GAN: variants seen among roughly 807,000 people sequenced by gnomAD.
GAN encodes epididymis secretory sperm binding protein.
Under a neutral mutation model 71.3 loss-of-function variants are expected in GAN, and 48 were observed. The observed-to-expected ratio is 0.67, with a 90% confidence interval of 0.53 to 0.86. GAN has a LOEUF of 0.86. Ranked by LOEUF, GAN falls within the 40% of genes least tolerant of loss-of-function variation. GAN has a pLI of 0.00. For missense variants in GAN, 928 were observed against 770.1 expected (o/e 1.21, Z -2.43); for synonymous variants, 386 against 276.8 (o/e 1.39, Z -3.92).
At chr16:81,367,544 A>T (rs1910900972) in intron 9 of GAN, among the ~76,000 whole-genome samples, 1 of 152,184 alleles carries the variant, frequency 6.6e-6, no homozygotes, top group Non-Finnish European at 1.5e-5. Context: ...AAATAAGAGC[A>T]CTTCCAAATA....
At chr16:81,319,035 G>A (rs1319193136) in intron 1 of GAN, among the ~76,000 whole-genome samples, 1 of 151,984 alleles carries the variant, frequency 6.6e-6, no homozygotes, top group East Asian at 1.9e-4. Flanking sequence ...TAGTTGACAG[G>A]CTGGGCGCAG....
Position 81,377,259 on chromosome 16 carries a change from A to C in GAN, c.1543A>C (p.Ser515Arg). 1 of 1,612,118 alleles carries C rather than the reference A, an allele frequency of 6.2e-7. No individual in the cohort carries two copies. The highest frequency in any genetic ancestry group is 8.5e-7 in the Non-Finnish European group (1 of 1,178,192). ...LNDQNLCIPA[S>R]SSFVYGAVPI... ...CGACCAGAATTTATGCATCCCCGCC[A>C]GTTCCTCTTTTGTTTATGGAGCTGT... Residue 515 changes from serine to arginine, a missense_variant, in exon 10 of 11, where the codon AGT becomes CGT. Ser to Arg is a moderately radical substitution (Grantham distance 110, BLOSUM62 -1). Coordinates refer to ENST00000648994, the MANE Select transcript of GAN (RefSeq NM_022041.4).
chr16:81,363,168 C>T (rs940744851), intron 6 of GAN, among the ~76,000 whole-genome samples: 5 of 152,242 alleles, frequency 3.3e-5, no homozygotes, highest in Admixed American at 1.3e-4. Flanking sequence ...TCCTCCACAG[C>T]CCTTTCTGCC....
intron 6 of GAN, 120 bp downstream of exon 6, chr16:81,362,731 G>T: frequency 1.4e-6 from 1 of 718,588 alleles, no homozygotes; most frequent in Non-Finnish European, 2.6e-6. Context: ...TGCCTCATTC[G>T]CTCCAACCTC....
chr16:81,317,307 C>T (rs1206975764), intron 1 of GAN, among the ~76,000 whole-genome samples: 1 of 152,236 alleles, frequency 6.6e-6, no homozygotes. Context: ...AGTACACAGA[C>T]GCTCAGTTAT....
At position 81,384,856 on chromosome 16, in the gene GAN, G is replaced by C. The variant is rs141641587; in HGVS notation, c.*7260G>C. 1.3e-4 allele frequency: 20 copies of C among 153,116 alleles called. No individual in the cohort carries two copies. The highest frequency in any genetic ancestry group is 4.8e-4 in the African/African-American group (20 of 41,596). The allele number at this position is 153,116 out of a possible 1,614,324, so 9.5% of individuals were successfully genotyped here. ...GTCTGTCAGCTTGCCTGGTCACCAA[G>C]TCAGGAGGAAGAAGATGAGGAGGCT... is the stretch of plus-strand genomic sequence containing the variant. On this transcript the variant is annotated 3_prime_UTR_variant, in exon 11 of 11. Transcript: ENST00000648994.
At chr16:81,321,996 G>A (rs185552346) in intron 1 of GAN, among the ~76,000 whole-genome samples, 13 of 152,280 alleles carry the variant, frequency 8.5e-5, no homozygotes, top group South Asian at 6.2e-4. Flanking sequence ...TAGATGGCCC[G>A]ACACTCTACC....
intron 7 of GAN, 40 bp downstream of exon 7, chr16:81,363,983 T>C (rs763189248): frequency 1.5e-5 from 23 of 1,516,754 alleles, no homozygotes; most frequent in Admixed American, 6.7e-5. Context: ...TGTGTACACA[T>C]TGGATTTTAA....
chr16:81,331,601 G>A (rs1909579901), intron 1 of GAN, among the ~76,000 whole-genome samples: 1 of 152,154 alleles, frequency 6.6e-6, no homozygotes, highest in Admixed American at 6.5e-5. Context: ...CAAAGTCCAA[G>A]TTTGCTTGTG....
chr16:81,374,207 C>G (rs936023656), intron 9 of GAN, among the ~76,000 whole-genome samples: 1 of 152,228 alleles, frequency 6.6e-6, no homozygotes, highest in East Asian at 1.9e-4. Flanking sequence ...ACACACTTCT[C>G]TGCATCATAT....
At chr16:81,318,311 CTG>C (rs529334494) in intron 1 of GAN, among the ~76,000 whole-genome samples, 199 of 152,102 alleles carry the variant, frequency 1.3e-3, no homozygotes, top group African/African-American at 4.5e-3. Context: ...TGTTTAATGT[CTG>C]TGTTTGGCCT....
intron 1 of GAN, among the ~76,000 whole-genome samples, chr16:81,324,342 A>G (rs1489024614): frequency 6.6e-6 from 1 of 152,004 alleles, no homozygotes; most frequent in African/African-American, 2.4e-5. Flanking sequence ...AAGGAAGTCC[A>G]CAGAGGATGA....
chr16:81,350,547 G>T (rs1486268268), intron 1 of GAN, among the ~76,000 whole-genome samples: 1 of 146,482 alleles, frequency 6.8e-6, no homozygotes, highest in Non-Finnish European at 1.5e-5. Context: ...GCAGAGTCTC[G>T]CTCTGTCACC....
chr16:81,324,582 G>A (rs1260128383), intron 1 of GAN, among the ~76,000 whole-genome samples: 1 of 152,080 alleles, frequency 6.6e-6, no homozygotes, highest in Non-Finnish European at 1.5e-5. Flanking sequence ...AGGCTGGGAA[G>A]GCCTGTGATC....
Position 81,377,344 on chromosome 16 carries a change from T to G in GAN, c.1612+16T>G, listed in dbSNP as rs556695592. 1.7e-5 allele frequency: 27 copies of G among 1,584,246 alleles called. No homozygotes were observed. In the South Asian group the frequency reaches 2.8e-4, roughly 16 times the overall value. On this transcript the variant is annotated intron_variant, in intron 10 of 10. Coordinates refer to ENST00000648994, the MANE Select transcript of GAN (RefSeq NM_022041.4). The stretch of plus-strand genomic sequence containing the variant: ...CTTGATACAGGTAAGAGTGTTACAG[T>G]GATTTTCTTGGAACTGTTTCCTGGT...
chr16:81,336,819 G>A (rs1166005911), intron 1 of GAN, among the ~76,000 whole-genome samples: 2 of 152,078 alleles, frequency 1.3e-5, no homozygotes, highest in African/African-American at 4.8e-5. Flanking sequence ...GCAAAACTGA[G>A]AGGAAAGTAC....
At chr16:81,374,001 A>G (rs1475753491) in intron 9 of GAN, among the ~76,000 whole-genome samples, 1 of 152,198 alleles carries the variant, frequency 6.6e-6, no homozygotes, top group Non-Finnish European at 1.5e-5. Flanking sequence ...TGGGCCTCCT[A>G]AAGTGCTGGG....
chr16:81,328,649 A>T (rs200785238), intron 1 of GAN, among the ~76,000 whole-genome samples: 34 of 147,032 alleles, frequency 2.3e-4, no homozygotes, highest in Non-Finnish European at 2.4e-4. Context: ...TGTGTATCTT[A>T]TTTTTTTTTT....
intron 9 of GAN, among the ~76,000 whole-genome samples, chr16:81,372,687 T>A (rs1043177535): frequency 3.8e-4 from 58 of 152,194 alleles, no homozygotes; most frequent in African/African-American, 1.4e-3. Flanking sequence ...ATACAGTCAT[T>A]CCGGGGATGA....
Sources: allele counts gnomAD v4.1 joint callset (sites outside exome capture counted in the v4.1 genomes callset), GRCh38; gene constraint gnomAD v4.1.1; transcripts MANE v1.5; gene names NCBI Gene and HGNC (gene_info 2026-07-23, HGNC 2026-07-21).